The following MYLK variants were observed in gnomAD, a reference collection of about 807,000 sequenced individuals.
MYLK encodes myosin light chain kinase, also known as myosin light chain kinase, smooth muscle.
MYLK carries 106 observed loss-of-function variants against 203.4 expected under a neutral mutation model. The observed-to-expected ratio is 0.52, with a 90% CI of 0.45 to 0.61. MYLK has a LOEUF of 0.61. MYLK is among the 20% of genes least tolerant of loss of function. The pLI, the probability that MYLK is intolerant of heterozygous loss-of-function variation, is 0.00. For missense variants in MYLK, 2,072 were observed against 2,442.3 expected, an observed-to-expected ratio of 0.85 and a Z score of 3.20; for synonymous variants, 867 against 959.5, an observed-to-expected ratio of 0.90 and a Z score of 1.78.
rs368454169 is a variant in MYLK at position 123,632,106 on chromosome 3, G to A, written c.4962-2480C>T. ...AGGATGGTCTCGATCTCCTGACCTCGTGTCGTGATCTGCCTGCCTCGGCCT... is the reference window on the plus strand; with the variant it reads ...AGGATGGTCTCGATCTCCTGACCTCATGTCGTGATCTGCCTGCCTCGGCCT... On this transcript the variant is annotated intron_variant, in intron 29 of 33. Coordinates refer to ENST00000360304, the MANE Select transcript of MYLK (RefSeq NM_053025.4). 1.2e-4 allele frequency among the ~76,000 whole-genome samples: 18 copies of A among 152,106 alleles called. 1 individual carries two copies. The East Asian group carries it at 3.1e-3, about 26-fold the overall frequency.
intron 16 of MYLK, among the ~76,000 whole-genome samples, chr3:123,704,902 AGAGT>A (rs1219016424): frequency 2.0e-5 from 3 of 152,220 alleles, no homozygotes; most frequent in Non-Finnish European, 4.4e-5. Context: ...CCTGGGCGAC[AGAGT>A]GAGATTCTGT....
intron 31 of MYLK, chr3:123,624,297 C>T (rs1169086289): frequency 6.6e-6 from 1 of 150,396 alleles, no homozygotes; most frequent in East Asian, 2.0e-4. Flanking sequence ...TGCCCTCCAG[C>T]CTGGGTGACA....
At chr3:123,723,618 T>G (rs2062170780) in intron 12 of MYLK, among the ~76,000 whole-genome samples, 1 of 152,212 alleles carries the variant, frequency 6.6e-6, no homozygotes, top group Non-Finnish European at 1.5e-5. Context: ...TGGGATGGGA[T>G]GGAGGCCCCA....
At chr3:123,639,113 T>G (rs536102208) in intron 28 of MYLK, 137 of 958,798 alleles carry the variant, frequency 1.4e-4, no homozygotes, top group Non-Finnish European at 1.6e-4. Context: ...CCCTGGGCTC[T>G]GACACTGCCG....
intron 4 of MYLK, among the ~76,000 whole-genome samples, chr3:123,780,449 A>C (rs77654057): frequency 0.026 from 4,005 of 152,276 alleles, 178 homozygotes; most frequent in African/African-American, 0.089. Context: ...ATAAAATAAA[A>C]TAGAAATAAA....
intron 20 of MYLK, among the ~76,000 whole-genome samples, chr3:123,678,857 G>A (rs1367848150): frequency 6.6e-6 from 1 of 152,176 alleles, no homozygotes. Context: ...TGGGGCGTGA[G>A]TAGAATTGGG....
chr3:123,713,587 G>A (rs1225290314), intron 13 of MYLK, among the ~76,000 whole-genome samples: 77 of 12,966 alleles, frequency 5.9e-3, no homozygotes, highest in East Asian at 0.025. Flanking sequence ...CAATGTGTGT[G>A]TGTGTGTGTG....
chr3:123,730,357 A>G (rs942803801), intron 11 of MYLK, among the ~76,000 whole-genome samples: 1 of 152,254 alleles, frequency 6.6e-6, no homozygotes, highest in African/African-American at 2.4e-5. Context: ...TTAGTTCCTC[A>G]GAGGGTTAAA....
chr3:123,800,232 C>A (rs1182032568), intron 3 of MYLK: 1 of 152,074 alleles, frequency 6.6e-6, no homozygotes, highest in Non-Finnish European at 1.5e-5. Flanking sequence ...GAGTGTGGAG[C>A]AAAGGGAGGA....
At chr3:123,660,759 A>G (rs2059535775) in intron 23 of MYLK, among the ~76,000 whole-genome samples, 1 of 152,224 alleles carries the variant, frequency 6.6e-6, no homozygotes, top group African/African-American at 2.4e-5. Context: ...GCTGGTCTGT[A>G]AATGCATGAA....
Position 123,667,202 on chromosome 3 carries a change from T to G in MYLK, c.3653-15A>C. ...AGTCGCATCACCTGAAACAAAGAAG[T>G]TCACAAGTTATTTCCTGTAGTTCTG... On this transcript the variant is annotated splice_polypyrimidine_tract_variant and intron_variant, in intron 20 of 33. Coordinates refer to ENST00000360304, the MANE Select transcript of MYLK (RefSeq NM_053025.4). The G allele has an allele frequency of 6.2e-7, 1 of 1,613,896 alleles. No homozygotes were observed. Among genetic ancestry groups the G allele is most frequent in the East Asian group, 2.2e-5 (1 of 44,876 alleles).
At chr3:123,687,836 C>G (rs765371198) in intron 19 of MYLK, among the ~76,000 whole-genome samples, 1 of 151,996 alleles carries the variant, frequency 6.6e-6, no homozygotes. Context: ...AGCATCCAGG[C>G]AACTTTTGTA....
chr3:123,732,326 C>A (rs1576772554), intron 11 of MYLK, among the ~76,000 whole-genome samples: 1 of 152,214 alleles, frequency 6.6e-6, no homozygotes, highest in East Asian at 1.9e-4. Flanking sequence ...GTCATGCTTT[C>A]CAAGAATTGT....
In MYLK at chr3:123,640,419, T is replaced by A; in HGVS notation, c.4705A>T (p.Ile1569Phe). Residue 1569 changes from isoleucine to phenylalanine, a missense_variant, in exon 28 of 34, where the codon ATC becomes TTC. Physicochemically the swap from Ile to Phe is conservative, Grantham distance 21. This residue lies in a region of MYLK where 524 missense variants were observed against 782.4 expected (regional missense o/e 0.67). Coordinates refer to ENST00000360304, the MANE Select transcript of MYLK (RefSeq NM_053025.4). The surrounding 1 kb of genome is among the most constrained non-coding windows in gnomAD (Gnocchi z 4.3). ...ERECIKYMRQ[I>F]SEGVEYIHKQ... ...TGGATGTACTCCACTCCCTCCGAGA[T>A]CTGCCGCATGTACTTGATGCACTCA... 1 of 1,613,900 alleles carries A rather than the reference T, an allele frequency of 6.2e-7. No individual in the cohort carries two copies. Among genetic ancestry groups the A allele is most frequent in the Non-Finnish European group, 8.5e-7 (1 of 1,179,990 alleles).
At chr3:123,789,266 A>G (rs1428273792) in intron 4 of MYLK, among the ~76,000 whole-genome samples, 1 of 152,096 alleles carries the variant, frequency 6.6e-6, no homozygotes, top group Non-Finnish European at 1.5e-5. Context: ...TGAGCAGAAC[A>G]CAGAGCGCGC....
chr3:123,831,997 C>G (rs2066346084), intron 2 of MYLK, among the ~76,000 whole-genome samples: 1 of 152,180 alleles, frequency 6.6e-6, no homozygotes, highest in Admixed American at 6.5e-5. Flanking sequence ...GCCATGGGAG[C>G]TGCCTTCCTG....
intron 24 of MYLK, among the ~76,000 whole-genome samples, chr3:123,654,494 T>C (rs887732379): frequency 1.3e-5 from 2 of 152,178 alleles, no homozygotes; most frequent in Non-Finnish European, 2.9e-5. Flanking sequence ...TGATTTCTAA[T>C]TCCTTGTAAT....
At chr3:123,833,602 A>G (rs1212457031) in intron 2 of MYLK, among the ~76,000 whole-genome samples, 7 of 152,166 alleles carry the variant, frequency 4.6e-5, no homozygotes, top group African/African-American at 7.2e-5. Context: ...ACATCTGGCT[A>G]TTATTTCACA....
At chr3:123,741,808 C>T (rs1367362441) in intron 5 of MYLK, among the ~76,000 whole-genome samples, 1 of 152,138 alleles carries the variant, frequency 6.6e-6, no homozygotes, top group East Asian at 1.9e-4. Flanking sequence ...TCTTATTCTG[C>T]CATTAAATTA....
Sources: gnomAD v4.1 joint callset for allele counts (sites outside exome capture counted in the v4.1 genomes callset) on GRCh38, gnomAD v4.1.1 for gene constraint, gnomAD v4.1.1 regional missense constraint, Gnocchi (gnomAD v3.1) non-coding constraint, MANE v1.5 for transcripts, NCBI Gene and HGNC (gene_info 2026-07-23, HGNC 2026-07-21) for gene names.